NAF1: variants seen among roughly 807,000 people sequenced by gnomAD.
NAF1 encodes the protein H/ACA ribonucleoprotein complex non-core subunit NAF1.
NAF1 carries 11 observed loss-of-function variants against 40.6 expected under a neutral mutation model. That is an observed-to-expected ratio of 0.27 (90% CI 0.17 to 0.45). The LOEUF (loss-of-function observed/expected upper bound fraction) is 0.45. NAF1 is among the 20% of genes least tolerant of loss of function. The pLI, the probability that NAF1 is intolerant of heterozygous loss-of-function variation, is 1.00. For missense variants in NAF1, 607 were observed against 611.1 expected (o/e 0.99, Z 0.07); for synonymous variants, 260 against 228.5 (o/e 1.14, Z -1.24).
chr4:163,118,779 A>G (rs1274952585), intron 2 of NAF1, among the ~76,000 whole-genome samples: 3 of 152,004 alleles, frequency 2.0e-5, no homozygotes, highest in Admixed American at 2.0e-4. Flanking sequence ...AAGAAATAAA[A>G]CTTATTTTAT....
chr4:163,138,435 A>G (rs895413787), intron 5 of NAF1, among the ~76,000 whole-genome samples: 8 of 152,134 alleles, frequency 5.3e-5, no homozygotes, highest in African/African-American at 1.9e-4. Context: ...TAGTGCGTCT[A>G]TTACAAAAAA....
chr4:163,156,435 T>C (rs1415272841), intron 2 of NAF1, among the ~76,000 whole-genome samples: 1 of 149,890 alleles, frequency 6.7e-6, no homozygotes, highest in African/African-American at 2.4e-5. Flanking sequence ...GTTAAAAGAA[T>C]GATGAGTAGA....
intron 2 of NAF1, among the ~76,000 whole-genome samples, chr4:163,152,068 A>T (rs995560618): frequency 6.6e-6 from 1 of 152,124 alleles, no homozygotes; most frequent in African/African-American, 2.4e-5. Context: ...CATTTTTCAG[A>T]TGATACTGGT....
intron 2 of NAF1, among the ~76,000 whole-genome samples, chr4:163,151,568 T>A (rs1044629722): frequency 1.3e-5 from 2 of 152,128 alleles, no homozygotes; most frequent in African/African-American, 4.8e-5. Context: ...GGTTTTTTAC[T>A]GAATCTCCAT....
intron 7 of NAF1, 36 bp from the exon 8 acceptor site, chr4:163,129,384 AT>A (rs1560784764): frequency 6.5e-7 from 1 of 1,537,642 alleles, no homozygotes; most frequent in African/African-American, 1.4e-5. Context: ...AAAAAGGAAA[AT>A]AAGTTTAATA....
chr4:163,119,284 GGACA>G (rs1730445298), intron 2 of NAF1: 2 of 152,064 alleles, frequency 1.3e-5, no homozygotes, highest in Non-Finnish European at 2.9e-5. Flanking sequence ...CATAAAATAG[GGACA>G]GACCATTAAA....
At chr4:163,120,898 TTTA>T (rs1217021171) in intron 2 of NAF1, among the ~76,000 whole-genome samples, 1 of 152,194 alleles carries the variant, frequency 6.6e-6, no homozygotes, top group Non-Finnish European at 1.5e-5. Flanking sequence ...GTCTGATTTA[TTTA>T]TTTTTTTTGA....
Position 163,147,115 on chromosome 4 carries a change from G to C in NAF1, c.634+1226C>G, listed in dbSNP as rs1468303100. Reference sequence around the variant, plus strand: ...AAAACTAGTAAATGTAATGATTCCAGAATCACGGAAAGAATTTTAATTATT... The same window carrying C: ...AAAACTAGTAAATGTAATGATTCCACAATCACGGAAAGAATTTTAATTATT... On this transcript the variant is annotated intron_variant, in intron 3 of 7. Coordinates refer to ENST00000274054, the MANE Select transcript of NAF1 (RefSeq NM_138386.3). 5.3e-5 allele frequency among the ~76,000 whole-genome samples: 8 copies of C among 152,032 alleles called. No homozygotes were observed. In the East Asian group the frequency reaches 1.5e-3, roughly 29 times the overall value.
Position 163,166,499 on chromosome 4 carries a change from C to T in NAF1, c.229G>A (p.Gly77Arg), listed in dbSNP as rs1304163854. ...GGCTGTGGCTGCGGCGCCGGGGTCC[C>T]GGCCGCGACGGCGTTCAGAACGGGC... is the stretch of plus-strand genomic sequence containing the variant. ...LQPVLNAVAA[G>R]TPAPQPQPPA... Residue 77 changes from glycine to arginine, a missense_variant, in exon 1 of 8, where the codon GGG becomes AGG. Coordinates refer to ENST00000274054, the MANE Select transcript of NAF1 (RefSeq NM_138386.3). 6.3e-7 allele frequency: 1 copy of T among 1,597,562 alleles called. No individual in the cohort carries two copies. The highest frequency in any genetic ancestry group is 1.3e-5 in the African/African-American group (1 of 74,566).
chr4:163,161,686 CAAT>C (rs1045477514), intron 2 of NAF1, among the ~76,000 whole-genome samples: 13 of 152,168 alleles, frequency 8.5e-5, no homozygotes, highest in African/African-American at 2.9e-4. Context: ...CTCCTCCTAA[CAAT>C]GAGTCCAACA....
chr4:163,161,177 A>T (rs1000327065), intron 2 of NAF1, among the ~76,000 whole-genome samples: 2 of 152,198 alleles, frequency 1.3e-5, no homozygotes, highest in Admixed American at 1.3e-4. Flanking sequence ...AGCTAGAATT[A>T]AAAAGATCAA....
intron 5 of NAF1, among the ~76,000 whole-genome samples, chr4:163,139,626 A>G (rs1407574669): frequency 1.3e-5 from 2 of 152,170 alleles, no homozygotes; most frequent in Non-Finnish European, 2.9e-5. Context: ...TATTGCGGTC[A>G]CATGCCACAG....
chr4:163,136,640 A>G (rs1472772225), intron 6 of NAF1, among the ~76,000 whole-genome samples: 3 of 152,152 alleles, frequency 2.0e-5, no homozygotes, highest in African/African-American at 7.2e-5. Context: ...GGAAGACTAG[A>G]TTATCAAGTC....
intron 2 of NAF1, among the ~76,000 whole-genome samples, chr4:163,160,505 G>A (rs568903345): frequency 1.3e-5 from 2 of 152,292 alleles, no homozygotes; most frequent in South Asian, 4.1e-4. Context: ...CTAAAGATCT[G>A]CATTGTACAT....
At chr4:163,118,907 A>G (rs1730434051) in intron 2 of NAF1, among the ~76,000 whole-genome samples, 2 of 152,254 alleles carry the variant, frequency 1.3e-5, no homozygotes, top group African/African-American at 2.4e-5. Flanking sequence ...CTAGAACTCT[A>G]TGAGAACTAA....
In NAF1 at chr4:163,128,752, C is replaced by A; in HGVS notation, c.*145G>T. 1 of 1,166,364 alleles carries A rather than the reference C, an allele frequency of 8.6e-7. No individual in the cohort carries two copies. Among genetic ancestry groups the A allele is most frequent in the Non-Finnish European group, 1.1e-6 (1 of 900,346 alleles). 72.3% of individuals were successfully genotyped at this position (1,166,364 alleles called of 1,614,324 possible). A position where few individuals can be genotyped will look rare whatever the true frequency, so the allele number is the denominator to read the frequency against. On this transcript the variant is annotated 3_prime_UTR_variant, in exon 8 of 8. Coordinates refer to ENST00000274054, the MANE Select transcript of NAF1 (RefSeq NM_138386.3). ...TATGAATACAATTTCACAAAGGTTA[C>A]AAATATATATCAACTTACAACAGAA...
downstream of NAF1, among the ~76,000 whole-genome samples, chr4:163,125,360 A>T (rs895653335): frequency 3.9e-5 from 6 of 152,266 alleles, no homozygotes; most frequent in Non-Finnish European, 8.8e-5. Context: ...AATGCAAAGA[A>T]AAAGTTCTTA....
At chr4:163,122,826 C>G (rs1730553582), downstream of NAF1, among the ~76,000 whole-genome samples, 1 of 152,156 alleles carries the variant, frequency 6.6e-6, no homozygotes. Context: ...CACAAGATGC[C>G]ATGCCTTGAT....
intron 2 of NAF1, among the ~76,000 whole-genome samples, chr4:163,117,759 G>C (rs1047979741): frequency 6.7e-6 from 1 of 149,184 alleles, no homozygotes. Context: ...ATCTGTAAAG[G>C]TCAGCACTCT....
Sources: allele counts gnomAD v4.1 joint callset (sites outside exome capture counted in the v4.1 genomes callset), GRCh38; gene constraint gnomAD v4.1.1; transcripts MANE v1.5; gene names NCBI Gene and HGNC (gene_info 2026-07-23, HGNC 2026-07-21).